Variants in RAD51B observed in about 807,000 individuals in gnomAD.
RAD51B encodes DNA repair protein RAD51 homolog 2.
A neutral mutation model predicts 42.2 loss-of-function variants in RAD51B; 38 were observed. That is an observed-to-expected ratio of 0.90 (90% CI 0.70 to 1.18). The LOEUF is 1.18. Ranked by LOEUF, RAD51B falls within the 50% of genes most tolerant of loss-of-function variation. The pLI, the probability that RAD51B is intolerant of heterozygous loss-of-function variation, is 0.00. For synonymous variants in RAD51B, 154 were observed against 145.2 expected (o/e 1.06, Z -0.43); for missense variants, 373 against 400.7 (o/e 0.93, Z 0.59).
intron 7 of RAD51B, among the ~76,000 whole-genome samples, chr14:68,121,905 C>T (rs1056288476): frequency 4.0e-5 from 6 of 151,890 alleles, no homozygotes; most frequent in African/African-American, 1.4e-4. Context: ...AAAAATGGGA[C>T]ATCCAAAAAT....
chr14:68,591,957 T>A (rs2256988), intron 10 of RAD51B, among the ~76,000 whole-genome samples: 5,951 of 152,216 alleles, frequency 0.039, 417 homozygotes, highest in African/African-American at 0.13. Flanking sequence ...CACCTAGGAC[T>A]GTGTGGAGCT....
intron 7 of RAD51B, among the ~76,000 whole-genome samples, chr14:68,150,158 T>C (rs2078347885): frequency 6.6e-6 from 1 of 152,212 alleles, no homozygotes; most frequent in Non-Finnish European, 1.5e-5. Context: ...TTGGTCAGGC[T>C]AGTCTCAAAC....
chr14:68,435,536 G>A (rs1442913963), intron 9 of RAD51B, among the ~76,000 whole-genome samples: 1 of 147,944 alleles, frequency 6.8e-6, no homozygotes, highest in Admixed American at 6.7e-5. Context: ...TTTCCTTTGG[G>A]TATATACCCA....
At chr14:67,935,441 T>C (rs1032531100) in intron 7 of RAD51B, among the ~76,000 whole-genome samples, 6 of 152,208 alleles carry the variant, frequency 3.9e-5, no homozygotes, top group African/African-American at 1.2e-4. Context: ...TATAGCTCAC[T>C]GCAGCTTTCA....
At chr14:68,358,768 G>A (rs1430140776) in intron 8 of RAD51B, among the ~76,000 whole-genome samples, 1 of 152,196 alleles carries the variant, frequency 6.6e-6, no homozygotes, top group Non-Finnish European at 1.5e-5. Flanking sequence ...TCTTCAGTCA[G>A]ATCGTGTGAT....
rs748632802 is a variant in RAD51B, at chr14:68,144,484, A to G, written c.757-147400A>G. Among the ~76,000 whole-genome samples, 4 of 152,362 alleles carry G rather than the reference A, an allele frequency of 2.6e-5. No homozygotes were observed. In the East Asian group the frequency reaches 5.8e-4, roughly 22 times the overall value. On this transcript the variant is annotated intron_variant, in intron 7 of 10. Transcript: ENST00000471583. ...CACAGACTGACTTTGTGGCCTTAAT[A>G]TGGAAAGCAAAACAAGATTAAAATC... is the stretch of plus-strand genomic sequence containing the variant.
intron 3 of RAD51B, among the ~76,000 whole-genome samples, chr14:67,829,418 A>C (rs890169994): frequency 3.3e-5 from 5 of 151,878 alleles, no homozygotes; most frequent in Admixed American, 3.3e-4. Context: ...AAGTTTTTGT[A>C]TTTTTAGTAG....
intron 10 of RAD51B, among the ~76,000 whole-genome samples, chr14:68,606,205 G>A (rs1257496758): frequency 6.6e-6 from 1 of 152,168 alleles, no homozygotes; most frequent in Admixed American, 6.5e-5. Flanking sequence ...TGTGAAAACA[G>A]CTCCATCTCA....
At chr14:68,402,825 A>G (rs2084150447) in intron 8 of RAD51B, among the ~76,000 whole-genome samples, 1 of 152,228 alleles carries the variant, frequency 6.6e-6, no homozygotes, top group Non-Finnish European at 1.5e-5. Flanking sequence ...GGAACTATTG[A>G]GGTCATTTAC....
chr14:68,116,397 ACTGT>A (rs1240366308), intron 7 of RAD51B, among the ~76,000 whole-genome samples: 3 of 151,984 alleles, frequency 2.0e-5, no homozygotes, highest in African/African-American at 7.2e-5. Context: ...ATGGTTTCAG[ACTGT>A]CTATGTAAAG....
chr14:67,977,628 T>G (rs2075019878), intron 7 of RAD51B, among the ~76,000 whole-genome samples: 1 of 152,236 alleles, frequency 6.6e-6, no homozygotes, highest in South Asian at 2.1e-4. Flanking sequence ...CTCTTGGAAG[T>G]TTTATGGATT....
rs187164442 is a variant in RAD51B at position 68,356,832 on chromosome 14, A to C, written c.854-54592A>C. ...CCGTCTCTACTAAAAATACAAAAAA[A>C]ATTAGCCGGGCGCGGTGGCGGGCGC... On this transcript the variant is annotated intron_variant, in intron 8 of 10. Coordinates refer to ENST00000471583, the MANE Select transcript of RAD51B (RefSeq NM_133510.4). Among the ~76,000 whole-genome samples, 834 of 151,898 alleles carry C rather than the reference A, an allele frequency of 5.5e-3. 10 individuals are homozygous for C. Among genetic ancestry groups the C allele is most frequent in the African/African-American group, 0.019 (776 of 41,442 alleles).
chr14:68,523,157 G>T (rs1886695681), intron 10 of RAD51B, among the ~76,000 whole-genome samples: 1 of 152,222 alleles, frequency 6.6e-6, no homozygotes, highest in South Asian at 2.1e-4. Context: ...GTTCTTCCAG[G>T]CTTGGTGGTA....
chr14:67,984,253 T>G (rs2075145619), intron 7 of RAD51B, among the ~76,000 whole-genome samples: 1 of 152,110 alleles, frequency 6.6e-6, no homozygotes, highest in East Asian at 1.9e-4. Context: ...GGGTTTTTAT[T>G]AAAGATTTAG....
chr14:68,573,010 G>A (rs1177596262), intron 10 of RAD51B, among the ~76,000 whole-genome samples: 4 of 152,192 alleles, frequency 2.6e-5, no homozygotes, highest in African/African-American at 7.2e-5. Flanking sequence ...TGATGGAGTC[G>A]GGGAATCAAA....
chr14:68,612,091 C>G (rs1196112763), downstream of RAD51B, among the ~76,000 whole-genome samples: 1 of 152,226 alleles, frequency 6.6e-6, no homozygotes, highest in Non-Finnish European at 1.5e-5. Flanking sequence ...ACACTGCATT[C>G]TACACAACTT....
chr14:67,822,235 A>G (rs1348210813), intron 1 of RAD51B: 2 of 152,190 alleles, frequency 1.3e-5, no homozygotes. Context: ...AATGAGATAT[A>G]CAGCTTCTCC....
At chr14:68,260,031 A>T (rs1196818426) in intron 7 of RAD51B, among the ~76,000 whole-genome samples, 3 of 152,076 alleles carry the variant, frequency 2.0e-5, no homozygotes, top group Non-Finnish European at 4.4e-5. Flanking sequence ...TCGAGTGGTG[A>T]TATATTTGAC....
At chr14:68,439,063 T>C (rs1274390946) in intron 9 of RAD51B, among the ~76,000 whole-genome samples, 1 of 152,080 alleles carries the variant, frequency 6.6e-6, no homozygotes, top group Non-Finnish European at 1.5e-5. Flanking sequence ...CTTTACAATT[T>C]GCATTTCCCA....
Sources: gnomAD v4.1 joint callset for allele counts (sites outside exome capture counted in the v4.1 genomes callset) on GRCh38, gnomAD v4.1.1 for gene constraint, MANE v1.5 for transcripts, NCBI Gene and HGNC (gene_info 2026-07-23, HGNC 2026-07-21) for gene names.